Variants in CAMTA1 observed in about 807,000 individuals in gnomAD.
The protein encoded by CAMTA1 is calmodulin-binding transcription activator 1.
A neutral mutation model predicts 170.9 loss-of-function variants in CAMTA1; 27 were observed. That is an observed-to-expected ratio of 0.16 (90% CI 0.12 to 0.22). CAMTA1 has a LOEUF of 0.22. Ranked by LOEUF, CAMTA1 falls within the 10% of genes least tolerant of loss-of-function variation. The pLI is 1.00. For missense variants in CAMTA1, 1,619 were observed against 2,217.2 expected, an observed-to-expected ratio of 0.73 and a Z score of 5.42; for synonymous variants, 833 against 891.5, an observed-to-expected ratio of 0.93 and a Z score of 1.17.
At chr1:7,239,558 G>C (rs4908451) in intron 4 of CAMTA1, among the ~76,000 whole-genome samples, 102,973 of 151,320 alleles carry the variant, frequency 0.68, 35,954 homozygotes, top group African/African-American at 0.84. Flanking sequence ...CATCATTTAC[G>C]ATACCATGTC....
rs1557905714 is a variant in CAMTA1, at chr1:6,971,747, G to A, written c.235-119557G>A. On this transcript the variant is annotated intron_variant, in intron 3 of 22. Coordinates refer to ENST00000303635, the MANE Select transcript of CAMTA1 (RefSeq NM_015215.4). The surrounding 1 kb of genome is among the most constrained non-coding windows in gnomAD (Gnocchi z 4.6). ...TGATTGGTGTGGATTCCTGCTCTCC[G>A]AAGGAAAAAGGAAAGAGAAGAAAAG... Among the ~76,000 whole-genome samples, 1 of 152,106 alleles carries A rather than the reference G, an allele frequency of 6.6e-6. No homozygotes were observed. Among genetic ancestry groups the A allele is most frequent in the African/African-American group, 2.4e-5 (1 of 41,432 alleles).
At chr1:7,752,583 A>G (rs757515085) in intron 21 of CAMTA1, 50 bp downstream of exon 21, 6 of 1,421,220 alleles carry the variant, frequency 4.2e-6, no homozygotes, top group Non-Finnish European at 5.8e-6. Flanking sequence ...TGATGAAGCA[A>G]CCCTGACCTT....
intron 4 of CAMTA1, among the ~76,000 whole-genome samples, chr1:7,178,180 C>A (rs1651351767): frequency 1.3e-5 from 2 of 152,174 alleles, no homozygotes; most frequent in Admixed American, 6.5e-5. Context: ...AGCTTTTGTT[C>A]CTCTCTCTGT....
rs1019055572 is a variant in CAMTA1, at chr1:7,592,631, T to A, written c.511-47769T>A. On this transcript the variant is annotated intron_variant, in intron 6 of 22. Coordinates refer to ENST00000303635, the MANE Select transcript of CAMTA1 (RefSeq NM_015215.4). The surrounding 1 kb of genome is among the most constrained non-coding windows in gnomAD (Gnocchi z 4.6). The stretch of plus-strand genomic sequence containing the variant: ...CTACCAGTGCGGAATGAGTGGGGAG[T>A]GTCCAGGCGTTGCTGCATGAGTTGC... 6.6e-6 allele frequency among the ~76,000 whole-genome samples: 1 copy of A among 151,800 alleles called. No individual in the cohort carries two copies. The highest frequency in any genetic ancestry group is 1.9e-4 in the East Asian group (1 of 5,142).
In CAMTA1 at chr1:7,115,586, T is replaced by C. The variant is rs113011853; in HGVS notation, c.302+24215T>C. Among the ~76,000 whole-genome samples the C allele has an allele frequency of 1.7e-5, 2 of 117,868 alleles. 1 individual carries two copies. Among genetic ancestry groups the C allele is most frequent in the Non-Finnish European group, 3.5e-5 (2 of 57,388 alleles). The allele number at this position is 117,868 out of a possible 152,430, so 77.3% of individuals were successfully genotyped here. The stretch of plus-strand genomic sequence containing the variant: ...TGATGATGTTGTTCCAGTCTGAATC[T>C]GAAAGCCTGAGACCCAGGAGAGCTG... On this transcript the variant is annotated intron_variant, in intron 4 of 22. Coordinates refer to ENST00000303635, the MANE Select transcript of CAMTA1 (RefSeq NM_015215.4).
intron 5 of CAMTA1, among the ~76,000 whole-genome samples, chr1:7,408,527 G>A (rs1392707134): frequency 1.3e-5 from 2 of 152,228 alleles, no homozygotes; most frequent in Non-Finnish European, 2.9e-5. Context: ...GAGCCTCAGA[G>A]GAGATGTAGG....
chr1:7,739,894 A>T (rs951076812), intron 16 of CAMTA1, among the ~76,000 whole-genome samples: 5 of 145,588 alleles, frequency 3.4e-5, no homozygotes, highest in Non-Finnish European at 7.6e-5. Flanking sequence ...GGGAGCTACA[A>T]TTCAAGATGA....
intron 3 of CAMTA1, among the ~76,000 whole-genome samples, chr1:6,834,788 C>A (rs1044084683): frequency 6.6e-6 from 1 of 152,106 alleles, no homozygotes; most frequent in Non-Finnish European, 1.5e-5. Flanking sequence ...TAGGCGTGTG[C>A]CACGCCCAGC....
chr1:7,558,879 AT>A (rs1313008194), intron 6 of CAMTA1, among the ~76,000 whole-genome samples: 45 of 152,236 alleles, frequency 3.0e-4, no homozygotes, highest in Non-Finnish European at 7.3e-5. Context: ...ATTTAATTGG[AT>A]TTTTTTAATT....
intron 11 of CAMTA1, among the ~76,000 whole-genome samples, chr1:7,730,357 A>G (rs2096722446): frequency 6.6e-6 from 1 of 152,080 alleles, no homozygotes; most frequent in Non-Finnish European, 1.5e-5. Context: ...TGCTCCCTGA[A>G]AGCCCTGCCT....
chr1:7,031,697 G>A (rs1186813660), intron 3 of CAMTA1, among the ~76,000 whole-genome samples: 10 of 152,018 alleles, frequency 6.6e-5, no homozygotes, highest in Admixed American at 6.6e-4. Flanking sequence ...GTGCCACCAT[G>A]CCCAGCTAAT....
At chr1:6,816,325 T>TC (rs913834896) in intron 1 of CAMTA1, among the ~76,000 whole-genome samples, 12 of 152,146 alleles carry the variant, frequency 7.9e-5, no homozygotes, top group African/African-American at 2.7e-4. Flanking sequence ...CCATCTGTCT[T>TC]CCCCCCACTA....
At chr1:7,112,125 C>T (rs1005681340) in intron 4 of CAMTA1, among the ~76,000 whole-genome samples, 8 of 151,972 alleles carry the variant, frequency 5.3e-5, no homozygotes, top group South Asian at 2.1e-4. Flanking sequence ...CTGTGTGGGT[C>T]GCCGGTGCAT....
At chr1:6,855,854 G>T (rs1662134888) in intron 3 of CAMTA1, among the ~76,000 whole-genome samples, 1 of 152,196 alleles carries the variant, frequency 6.6e-6, no homozygotes, top group Non-Finnish European at 1.5e-5. Flanking sequence ...CTGCAAGGAA[G>T]AGTCTCTCCT....
intron 4 of CAMTA1, among the ~76,000 whole-genome samples, chr1:7,147,883 TCAAA>T (rs948245085): frequency 4.9e-5 from 3 of 61,388 alleles, no homozygotes; most frequent in Non-Finnish European, 6.8e-5. Context: ...ACACACAAAC[TCAAA>T]CATATACCAT....
intron 4 of CAMTA1, among the ~76,000 whole-genome samples, chr1:7,147,781 ACT>A (rs1646305974): frequency 6.7e-6 from 1 of 148,630 alleles, no homozygotes; most frequent in African/African-American, 2.5e-5. Context: ...ACACACACAA[ACT>A]CAAACATATA....
rs1297669595 is a variant in CAMTA1, at chr1:7,732,228, C to CT, written c.2915-216dup. On this transcript the variant is annotated intron_variant, in intron 11 of 22. Transcript: ENST00000303635. This position sits in a 1 kb window ranked among gnomAD's most constrained non-coding sequence, Gnocchi z 4.1. Reference sequence around the variant, plus strand: ...CTTTGACAAAAAGAGAATTTCTGGTCTTTTATCCGAGAACTTCGGGCTGCT... The same window carrying CT: ...CTTTGACAAAAAGAGAATTTCTGGTCTTTTTATCCGAGAACTTCGGGCTGCT... 6.6e-6 allele frequency among the ~76,000 whole-genome samples: 1 copy of CT among 152,132 alleles called. No individual in the cohort carries two copies. Among genetic ancestry groups the CT allele is most frequent in the Non-Finnish European group, 1.5e-5 (1 of 68,022 alleles).
chr1:7,097,715 A>C (rs1642239720), intron 4 of CAMTA1, among the ~76,000 whole-genome samples: 1 of 152,238 alleles, frequency 6.6e-6, no homozygotes, highest in Admixed American at 6.5e-5. Context: ...ACCTGGATGA[A>C]GCTTGAAGAC....
chr1:7,716,716 G>A (rs977996783), intron 11 of CAMTA1, among the ~76,000 whole-genome samples: 2 of 152,178 alleles, frequency 1.3e-5, no homozygotes, highest in Non-Finnish European at 2.9e-5. Flanking sequence ...CCTAAATAAT[G>A]TATGGAGAAT....
Sources: gnomAD v4.1 joint callset for allele counts (sites outside exome capture counted in the v4.1 genomes callset) on GRCh38, gnomAD v4.1.1 for gene constraint, Gnocchi (gnomAD v3.1) non-coding constraint, MANE v1.5 for transcripts, NCBI Gene and HGNC (gene_info 2026-07-23, HGNC 2026-07-21) for gene names.